Variants in KCNQ5 observed in about 807,000 individuals in gnomAD.
The protein encoded by KCNQ5 is potassium voltage-gated channel subfamily Q member 5.
Under a neutral mutation model 98.2 loss-of-function variants are expected in KCNQ5, and 30 were observed. The ratio of observed to expected loss-of-function variants is 0.31; its 90% confidence interval spans 0.23 to 0.41. The LOEUF is 0.41. KCNQ5 is among the 10% of genes least tolerant of loss of function. The pLI is 1.00. For synonymous variants in KCNQ5, 458 were observed against 449.4 expected (o/e 1.02, Z -0.24); for missense variants, 835 against 1,182.5 (o/e 0.71, Z 4.31).
chr6:73,190,736 G>C, intron 12 of KCNQ5, 32 bp downstream of exon 12: 2 of 1,479,578 alleles, frequency 1.4e-6, no homozygotes, highest in Non-Finnish European at 1.8e-6. Context: ...CCTTGTAAAG[G>C]AATGGGCATA....
rs906616893 is a variant in KCNQ5, at chr6:73,015,250, C to T, written c.489+11252C>T. The stretch of plus-strand genomic sequence containing the variant: ...GAACATTGAAAACTGCAGTTATTTT[C>T]CTTTGCTTTTCTTTCATCAAGGAAA... On this transcript the variant is annotated intron_variant, in intron 2 of 13. Transcript: ENST00000370398. Among the ~76,000 whole-genome samples, 22 of 152,112 alleles carry T rather than the reference C, an allele frequency of 1.4e-4. No homozygotes were observed. In the South Asian group the frequency reaches 2.7e-3, roughly 19 times the overall value.
intron 2 of KCNQ5, among the ~76,000 whole-genome samples, chr6:73,012,286 A>C (rs911991556): frequency 1.3e-5 from 2 of 152,086 alleles, no homozygotes; most frequent in Non-Finnish European, 2.9e-5. Flanking sequence ...TTCACCCTTA[A>C]AAAGAAGGAA....
chr6:72,940,715 G>A (rs902544229), intron 1 of KCNQ5, among the ~76,000 whole-genome samples: 2 of 152,178 alleles, frequency 1.3e-5, no homozygotes, highest in Non-Finnish European at 2.9e-5. Context: ...TAGCAATTAA[G>A]CACAAGGATT....
chr6:72,726,984 C>A (rs1356610106), intron 1 of KCNQ5, among the ~76,000 whole-genome samples: 2 of 152,192 alleles, frequency 1.3e-5, no homozygotes, highest in African/African-American at 4.8e-5. Context: ...CCACTCAGAT[C>A]ACTCTTAGTC....
intron 1 of KCNQ5, among the ~76,000 whole-genome samples, chr6:72,815,670 C>T (rs1208410678): frequency 1.3e-5 from 2 of 152,088 alleles, no homozygotes; most frequent in East Asian, 3.8e-4. Context: ...CAGATTTAAG[C>T]GTCAGGAAGT....
chr6:72,843,172 A>G (rs1387026951), intron 1 of KCNQ5, among the ~76,000 whole-genome samples: 1 of 152,064 alleles, frequency 6.6e-6, no homozygotes, highest in Non-Finnish European at 1.5e-5. Context: ...AGGTTTAAGG[A>G]AGGGGTTCAG....
intron 3 of KCNQ5, among the ~76,000 whole-genome samples, chr6:73,058,482 A>T (rs1024449104): frequency 6.6e-6 from 1 of 152,238 alleles, no homozygotes; most frequent in Non-Finnish European, 1.5e-5. Context: ...GACATATAGG[A>T]CCTGGCAAAG....
chr6:73,154,482 T>C (rs984231035), intron 10 of KCNQ5, among the ~76,000 whole-genome samples: 4 of 152,210 alleles, frequency 2.6e-5, no homozygotes, highest in Admixed American at 6.5e-5. Context: ...ACATTGTTCC[T>C]GAAGAGAAAA....
intron 3 of KCNQ5, among the ~76,000 whole-genome samples, chr6:73,046,656 T>C (rs532888246): frequency 6.6e-6 from 1 of 151,428 alleles, no homozygotes; most frequent in East Asian, 1.9e-4. Context: ...TTATTTTATT[T>C]TTTGAGGCAG....
At chr6:72,736,574 A>C (rs1481955629) in intron 1 of KCNQ5, among the ~76,000 whole-genome samples, 1 of 132,768 alleles carries the variant, frequency 7.5e-6, no homozygotes, top group Non-Finnish European at 1.5e-5. Flanking sequence ...ATCTCGGCTC[A>C]CTGCAAGCTC....
At chr6:73,078,822 A>G (rs1040216254) in intron 5 of KCNQ5, among the ~76,000 whole-genome samples, 1 of 152,252 alleles carries the variant, frequency 6.6e-6, no homozygotes, top group African/African-American at 2.4e-5. Context: ...GGAAGGGTGT[A>G]CTCTGAACAA....
chr6:73,186,678 T>C (rs1778582486), intron 11 of KCNQ5, among the ~76,000 whole-genome samples: 1 of 152,156 alleles, frequency 6.6e-6, no homozygotes, highest in Non-Finnish European at 1.5e-5. Context: ...TACAGTAAAA[T>C]AATTAGGAAA....
chr6:72,702,824 A>G (rs1463357371), intron 1 of KCNQ5, among the ~76,000 whole-genome samples: 15 of 152,230 alleles, frequency 9.9e-5, no homozygotes, highest in Admixed American at 9.8e-4. Flanking sequence ...ATAAAAAGAA[A>G]TCATTCATAT....
chr6:73,060,835 T>C (rs1272384122), intron 3 of KCNQ5, among the ~76,000 whole-genome samples: 1 of 152,148 alleles, frequency 6.6e-6, no homozygotes, highest in African/African-American at 2.4e-5. Flanking sequence ...ACCTATCAGA[T>C]TGGCAAAAAT....
intron 1 of KCNQ5, among the ~76,000 whole-genome samples, chr6:72,882,913 A>G (rs1778691596): frequency 6.6e-6 from 1 of 152,146 alleles, no homozygotes; most frequent in South Asian, 2.1e-4. Flanking sequence ...TTAATTTTGG[A>G]AGCAACTTTT....
chr6:73,011,590 G>A (rs1383274257), intron 2 of KCNQ5, among the ~76,000 whole-genome samples: 1 of 152,054 alleles, frequency 6.6e-6, no homozygotes, highest in African/African-American at 2.4e-5. Flanking sequence ...CACCAAAGGT[G>A]TAGGCAACAA....
intron 3 of KCNQ5, among the ~76,000 whole-genome samples, chr6:73,062,451 A>G (rs1378853166): frequency 6.6e-6 from 1 of 152,192 alleles, no homozygotes; most frequent in Admixed American, 6.5e-5. Flanking sequence ...TGTGTATTGA[A>G]TGAATAAAAA....
At chr6:72,827,812 G>T (rs1387185910) in intron 1 of KCNQ5, among the ~76,000 whole-genome samples, 1 of 151,774 alleles carries the variant, frequency 6.6e-6, no homozygotes, top group Admixed American at 6.6e-5. Flanking sequence ...CCAGTCCAAT[G>T]TCCTGAACTG....
At chr6:72,969,013 T>A (rs1204635260) in intron 1 of KCNQ5, among the ~76,000 whole-genome samples, 1 of 152,220 alleles carries the variant, frequency 6.6e-6, no homozygotes, top group African/African-American at 2.4e-5. Context: ...AATAGCCAAC[T>A]TGGGTTTCCT....
Sources: allele counts gnomAD v4.1 joint callset (sites outside exome capture counted in the v4.1 genomes callset), GRCh38; gene constraint gnomAD v4.1.1; transcripts MANE v1.5; gene names NCBI Gene and HGNC (gene_info 2026-07-23, HGNC 2026-07-21).